The following GRIN2A variants were observed in gnomAD, a reference collection of about 807,000 sequenced individuals.
GRIN2A encodes the protein glutamate receptor ionotropic, NMDA 2A.
Under a neutral mutation model 113.4 loss-of-function variants are expected in GRIN2A, and 22 were observed. The observed-to-expected ratio is 0.19, with a 90% CI of 0.14 to 0.28. The LOEUF is 0.28. Ranked by LOEUF, GRIN2A falls within the 10% of genes least tolerant of loss-of-function variation. GRIN2A has a pLI of 1.00. For missense variants in GRIN2A, 1,502 were observed against 1,887.0 expected, an observed-to-expected ratio of 0.80 and a Z score of 3.78; for synonymous variants, 827 against 738.4, an observed-to-expected ratio of 1.12 and a Z score of -1.94.
chr16:10,035,782 G>C (rs1269641993), intron 2 of GRIN2A, among the ~76,000 whole-genome samples: 2 of 150,820 alleles, frequency 1.3e-5, no homozygotes, highest in East Asian at 3.9e-4. Context: ...GGAGTGCAGT[G>C]GTATGATCTT....
intron 10 of GRIN2A, among the ~76,000 whole-genome samples, chr16:9,801,274 C>T (rs1903345241): frequency 6.6e-6 from 1 of 152,180 alleles, no homozygotes; most frequent in East Asian, 1.9e-4. Context: ...TCCATGTTGC[C>T]ATGGAGATAT....
chr16:9,785,031 C>T (rs377289297), intron 11 of GRIN2A, among the ~76,000 whole-genome samples: 3 of 152,132 alleles, frequency 2.0e-5, no homozygotes, highest in African/African-American at 4.8e-5. Flanking sequence ...GTCAGTGTGG[C>T]GATTCCTCAG....
At chr16:10,049,286 A>G (rs1269416932) in intron 2 of GRIN2A, among the ~76,000 whole-genome samples, 2 of 152,288 alleles carry the variant, frequency 1.3e-5, no homozygotes, top group East Asian at 1.9e-4. Context: ...TGTTTACTCT[A>G]TCTCAGGCAC....
Position 9,899,440 on chromosome 16 carries a change from C to CAAA in GRIN2A, c.1008-8343_1008-8341dup, listed in dbSNP as rs71157791. On this transcript the variant is annotated intron_variant, in intron 3 of 12. Transcript: ENST00000330684. ...GGGCAACAAGAGCAAAACTCCGTCTCAAAAAAAAAAAAAAAAAAAAAAAAA... is the reference window on the plus strand; with the variant it reads ...GGGCAACAAGAGCAAAACTCCGTCTCAAAAAAAAAAAAAAAAAAAAAAAAAAAA... 4.2e-3 allele frequency among the ~76,000 whole-genome samples: 26 copies of CAAA among 6,204 alleles called. 10 individuals carry two copies. Among genetic ancestry groups the CAAA allele is most frequent in the African/African-American group, 0.017 (21 of 1,204 alleles). 4.1% of individuals were successfully genotyped at this position (6,204 alleles called of 152,430 possible).
intron 9 of GRIN2A, among the ~76,000 whole-genome samples, chr16:9,823,157 G>A (rs182734085): frequency 6.6e-6 from 1 of 152,184 alleles, no homozygotes; most frequent in Admixed American, 6.5e-5. Flanking sequence ...TTCTCTGATG[G>A]ATTGGATGAT....
chr16:9,924,760 A>C (rs2044424055), intron 3 of GRIN2A, among the ~76,000 whole-genome samples: 1 of 152,152 alleles, frequency 6.6e-6, no homozygotes, highest in Non-Finnish European at 1.5e-5. Context: ...CTTTGTTTTC[A>C]AGTTCACTGA....
chr16:9,837,097 T>A (rs2042594489), intron 7 of GRIN2A, among the ~76,000 whole-genome samples: 1 of 152,136 alleles, frequency 6.6e-6, no homozygotes, highest in Admixed American at 6.6e-5. Flanking sequence ...AAAATCAGAT[T>A]TTGAATGTTT....
chr16:10,091,186 A>C (rs2048177485), intron 2 of GRIN2A, among the ~76,000 whole-genome samples: 1 of 152,236 alleles, frequency 6.6e-6, no homozygotes, highest in African/African-American at 2.4e-5. Context: ...CAGCAATTCC[A>C]CTTATAGGTA....
chr16:10,013,567 T>G (rs1259977387), intron 2 of GRIN2A, among the ~76,000 whole-genome samples: 1 of 152,210 alleles, frequency 6.6e-6, no homozygotes, highest in Non-Finnish European at 1.5e-5. Flanking sequence ...TGCTCTCTCA[T>G]GCCCTCTGCC....
chr16:10,002,990 G>A (rs1360511310), intron 2 of GRIN2A, among the ~76,000 whole-genome samples: 1 of 152,184 alleles, frequency 6.6e-6, no homozygotes, highest in Non-Finnish European at 1.5e-5. Context: ...AAACTTTTAA[G>A]CATTAACTAG....
At chr16:10,171,653 T>C (rs2050044917) in intron 2 of GRIN2A, 1 of 152,220 alleles carries the variant, frequency 6.6e-6, no homozygotes, top group South Asian at 2.1e-4. Context: ...CATACCCTCA[T>C]GTAACCACAT....
chr16:9,907,938 A>G (rs960558070), intron 3 of GRIN2A, among the ~76,000 whole-genome samples: 6 of 152,148 alleles, frequency 3.9e-5, no homozygotes, highest in Non-Finnish European at 8.8e-5. Context: ...TCACCCCTGC[A>G]CAGTGTCTGG....
chr16:10,010,858 A>C (rs1247227905), intron 2 of GRIN2A, among the ~76,000 whole-genome samples: 1 of 152,210 alleles, frequency 6.6e-6, no homozygotes, highest in African/African-American at 2.4e-5. Flanking sequence ...GCTATGCTGC[A>C]CAACTCCAGG....
Position 9,760,374 on chromosome 16 carries a change from A to ATTTTTTTTTTTTTTTTTTTTTTTTTTT in GRIN2A, c.*2774_*2775insAAAAAAAAAAAAAAAAAAAAAAAAAAA. 1.1e-5 allele frequency: 1 copy of ATTTTTTTTTTTTTTTTTTTTTTTTTTT among 89,548 alleles called. No homozygotes were observed. The highest frequency in any genetic ancestry group is 1.9e-5 in the Non-Finnish European group (1 of 51,646). The allele number at this position is 89,548 out of a possible 1,614,324, so 5.5% of individuals were successfully genotyped here. On this transcript the variant is annotated 3_prime_UTR_variant, in exon 13 of 13. Coordinates refer to ENST00000330684, the MANE Select transcript of GRIN2A (RefSeq NM_001134407.3). ...AAATTGACCATCTGATCAGTAGTTG[A>ATTTTTTTTTTTTTTTTTTTTTTTTTTT]TTTTTTTTTTTTTTTTTTTTTTTTG...
At chr16:10,124,754 G>A (rs1466279926) in intron 2 of GRIN2A, among the ~76,000 whole-genome samples, 3 of 152,136 alleles carry the variant, frequency 2.0e-5, no homozygotes, top group South Asian at 4.1e-4. Flanking sequence ...CCACTCTCAA[G>A]GAGCAACCAT....
At chr16:10,119,853 C>T (rs562078147) in intron 2 of GRIN2A, among the ~76,000 whole-genome samples, 63 of 152,224 alleles carry the variant, frequency 4.1e-4, no homozygotes, top group East Asian at 9.6e-4. Flanking sequence ...TCTGTTCCTG[C>T]ATTAGTTTGC....
chr16:9,814,478 G>A (rs2042149461), intron 10 of GRIN2A, among the ~76,000 whole-genome samples: 1 of 152,146 alleles, frequency 6.6e-6, no homozygotes, highest in Admixed American at 6.5e-5. Flanking sequence ...TAATTGTCAG[G>A]TCACATTAAG....
At chr16:10,139,920 C>G (rs2049289436) in intron 2 of GRIN2A, among the ~76,000 whole-genome samples, 1 of 152,090 alleles carries the variant, frequency 6.6e-6, no homozygotes, top group Non-Finnish European at 1.5e-5. Context: ...CTCCGCCTCC[C>G]AGGTTAAAGT....
At chr16:9,998,400 T>G (rs2046263438) in intron 2 of GRIN2A, among the ~76,000 whole-genome samples, 1 of 152,234 alleles carries the variant, frequency 6.6e-6, no homozygotes, top group Admixed American at 6.5e-5. Context: ...GGATGGGGCA[T>G]GTTGTGTGAA....
Sources: allele counts gnomAD v4.1 joint callset (sites outside exome capture counted in the v4.1 genomes callset), GRCh38; gene constraint gnomAD v4.1.1; transcripts MANE v1.5; gene names NCBI Gene and HGNC (gene_info 2026-07-23, HGNC 2026-07-21).